Variants in WWOX observed in about 807,000 individuals in gnomAD.
WWOX encodes the protein WW domain-containing oxidoreductase.
Under a neutral mutation model 46.2 loss-of-function variants are expected in WWOX, and 69 were observed. The observed-to-expected ratio is 1.49, with a 90% CI of 1.23 to 1.82. WWOX has a LOEUF of 1.82. Ranked by LOEUF, WWOX falls within the 40% of genes most tolerant of loss-of-function variation. The pLI, the probability that WWOX is intolerant of heterozygous loss-of-function variation, is 0.00. For synonymous variants in WWOX, 359 were observed against 202.6 expected (o/e 1.77, Z -6.56); for missense variants, 919 against 542.6 (o/e 1.69, Z -6.89).
At chr16:78,213,250 C>CAAA (rs3041524) in intron 5 of WWOX, among the ~76,000 whole-genome samples, 37 of 97,048 alleles carry the variant, frequency 3.8e-4, no homozygotes, top group African/African-American at 1.2e-3. Context: ...GACTGTATCT[C>CAAA]AAAAAAAAAA....
intron 8 of WWOX, chr16:79,101,285 C>G (rs1380685558): frequency 6.6e-6 from 1 of 152,192 alleles, no homozygotes; most frequent in Non-Finnish European, 1.5e-5. Context: ...GAGCTTGATT[C>G]TGTTTACCCA....
chr16:78,467,026 G>T (rs911422117), intron 8 of WWOX, among the ~76,000 whole-genome samples: 6 of 152,238 alleles, frequency 3.9e-5, no homozygotes, highest in African/African-American at 1.4e-4. Flanking sequence ...GACACTAAAC[G>T]TACCTTATCT....
intron 8 of WWOX, among the ~76,000 whole-genome samples, chr16:79,147,447 G>A (rs1567581843): frequency 6.6e-6 from 1 of 152,142 alleles, no homozygotes; most frequent in Non-Finnish European, 1.5e-5. Context: ...TAATTTCATT[G>A]CTCAGTAGTA....
chr16:78,847,032 C>A (rs1331984808), intron 8 of WWOX, among the ~76,000 whole-genome samples: 1 of 152,200 alleles, frequency 6.6e-6, no homozygotes, highest in Non-Finnish European at 1.5e-5. Context: ...GGTTCCTGCA[C>A]CCTTTTGACA....
At chr16:78,547,889 C>T (rs2044079365) in intron 8 of WWOX, among the ~76,000 whole-genome samples, 3 of 152,040 alleles carry the variant, frequency 2.0e-5, no homozygotes, top group South Asian at 4.2e-4. Context: ...TGGTGGCTCA[C>T]ACCTGTAATC....
rs551093280 is a variant in WWOX at position 78,972,654 on chromosome 16, C to G, written c.1057-238954C>G. On this transcript the variant is annotated intron_variant, in intron 8 of 8. Coordinates refer to ENST00000566780, the MANE Select transcript of WWOX (RefSeq NM_016373.4). ...CACATCCCACCCTCTGTTTCTGTTT[C>G]AACTGCAGAGCCTATTTTTCTTTCC... 2.0e-5 allele frequency among the ~76,000 whole-genome samples: 3 copies of G among 152,244 alleles called. No individual in the cohort carries two copies. The East Asian group carries it at 5.8e-4, about 29-fold the overall frequency.
intron 5 of WWOX, among the ~76,000 whole-genome samples, chr16:78,343,128 C>G (rs1345538396): frequency 8.3e-6 from 1 of 120,170 alleles, no homozygotes; most frequent in African/African-American, 2.8e-5. Context: ...CCTCATGAGA[C>G]AACAGCAGGA....
intron 8 of WWOX, among the ~76,000 whole-genome samples, chr16:78,724,047 G>T (rs942398877): frequency 6.6e-6 from 1 of 152,156 alleles, no homozygotes; most frequent in African/African-American, 2.4e-5. Flanking sequence ...TCTGGGCCAG[G>T]ACTGGAAGCA....
chr16:78,879,039 C>G (rs1376186523), intron 8 of WWOX, among the ~76,000 whole-genome samples: 1 of 152,018 alleles, frequency 6.6e-6, no homozygotes, highest in African/African-American at 2.4e-5. Flanking sequence ...TACACTTCAC[C>G]CTGGATCTGG....
intron 8 of WWOX, among the ~76,000 whole-genome samples, chr16:78,451,072 T>A (rs2083679602): frequency 6.6e-6 from 1 of 152,214 alleles, no homozygotes; most frequent in African/African-American, 2.4e-5. Context: ...TAAGCTTGTT[T>A]ATTGCATCTT....
At chr16:78,346,898 A>T (rs149666261) in intron 5 of WWOX, among the ~76,000 whole-genome samples, 2 of 116,298 alleles carry the variant, frequency 1.7e-5, no homozygotes, top group East Asian at 3.9e-4. Context: ...TTTTTATTTT[A>T]TTTTTTTAGC....
At chr16:78,374,888 G>A (rs567074780) in intron 5 of WWOX, among the ~76,000 whole-genome samples, 174 of 152,068 alleles carry the variant, frequency 1.1e-3, no homozygotes, top group African/African-American at 4.1e-3. Flanking sequence ...TTTTCACCAG[G>A]TTGGCCAGCC....
At chr16:78,106,965 A>G (rs757418690) in intron 1 of WWOX, among the ~76,000 whole-genome samples, 1 of 152,186 alleles carries the variant, frequency 6.6e-6, no homozygotes, top group Non-Finnish European at 1.5e-5. Flanking sequence ...CTGCACTATG[A>G]CAGAGACCCA....
intron 8 of WWOX, among the ~76,000 whole-genome samples, chr16:78,758,272 T>G (rs1205036827): frequency 6.6e-6 from 1 of 152,186 alleles, no homozygotes; most frequent in African/African-American, 2.4e-5. Context: ...CAGAGAATAC[T>G]CTAAGCCCAA....
chr16:78,906,220 G>A (rs1394334869), intron 8 of WWOX, among the ~76,000 whole-genome samples: 1 of 152,142 alleles, frequency 6.6e-6, no homozygotes, highest in African/African-American at 2.4e-5. Context: ...TTATCTCCCT[G>A]GGCCTTGAGA....
chr16:78,352,231 T>A (rs968502008), intron 5 of WWOX, among the ~76,000 whole-genome samples: 8 of 152,250 alleles, frequency 5.3e-5, no homozygotes, highest in Non-Finnish European at 1.0e-4. Context: ...ATCTCACAAA[T>A]TAAACATGTT....
At chr16:79,207,713 A>G (rs193209345) in intron 8 of WWOX, among the ~76,000 whole-genome samples, 103 of 152,338 alleles carry the variant, frequency 6.8e-4, no homozygotes, top group African/African-American at 2.4e-3. Flanking sequence ...AAAGCAAAAC[A>G]CGGTGTAACA....
chr16:78,472,520 AATG>A (rs2084249028), intron 8 of WWOX, among the ~76,000 whole-genome samples: 1 of 152,142 alleles, frequency 6.6e-6, no homozygotes, highest in Non-Finnish European at 1.5e-5. Context: ...TGTTGAAAAA[AATG>A]ATGAGCCGGG....
intron 5 of WWOX, among the ~76,000 whole-genome samples, chr16:78,364,992 G>A (rs886122199): frequency 2.0e-5 from 3 of 152,156 alleles, no homozygotes; most frequent in African/African-American, 7.2e-5. Context: ...TGAAGTCATA[G>A]TATTTTCTGT....
Sources: gnomAD v4.1 joint callset for allele counts (sites outside exome capture counted in the v4.1 genomes callset) on GRCh38, gnomAD v4.1.1 for gene constraint, MANE v1.5 for transcripts, NCBI Gene and HGNC (gene_info 2026-07-23, HGNC 2026-07-21) for gene names.